SAMTOR: variants seen among roughly 807,000 people sequenced by gnomAD.
SAMTOR encodes UPF0532 protein C7orf60.
At chr7:112,858,663 G>T in the SAMTOR span, among the ~76,000 whole-genome samples, 81 of 152,222 alleles carry the variant, frequency 5.3e-4, no homozygotes, top group African/African-American at 1.8e-3. Flanking sequence ...ATTTACTTGT[G>T]AAAGTGTATA....
chr7:112,876,884 C>G, the SAMTOR span, among the ~76,000 whole-genome samples: 3 of 152,244 alleles, frequency 2.0e-5, no homozygotes, highest in African/African-American at 7.2e-5. Flanking sequence ...CTGTTAAGCC[C>G]TCATTCCTTT....
chr7:112,825,142 C>A, the SAMTOR span, among the ~76,000 whole-genome samples: 1 of 152,094 alleles, frequency 6.6e-6, no homozygotes, highest in Admixed American at 6.5e-5. Context: ...CCACCTCAGG[C>A]TCCTGAGTAG....
At chr7:112,898,065 C>T in the SAMTOR span, among the ~76,000 whole-genome samples, 4 of 152,218 alleles carry the variant, frequency 2.6e-5, no homozygotes, top group Admixed American at 6.5e-5. Flanking sequence ...CACAGTGGAA[C>T]ACAGCACTGG....
the SAMTOR span, among the ~76,000 whole-genome samples, chr7:112,922,158 G>T: frequency 6.6e-6 from 1 of 152,206 alleles, no homozygotes; most frequent in Non-Finnish European, 1.5e-5. Context: ...GGGTTTCGCT[G>T]TGTTGGCCGG....
chr7:112,887,766 A>G, the SAMTOR span, among the ~76,000 whole-genome samples: 1 of 152,208 alleles, frequency 6.6e-6, no homozygotes, highest in Non-Finnish European at 1.5e-5. Context: ...TTCTTTTACT[A>G]TTGATGGAAT....
At chr7:112,821,713 C>T in the SAMTOR span, 3 of 1,546,730 alleles carry the variant, frequency 1.9e-6, no homozygotes, top group Non-Finnish European at 2.6e-6. Flanking sequence ...AGTTTAGGAG[C>T]CTGGACTGAA....
At chr7:112,939,617 C>T in the SAMTOR span, 2 of 1,613,968 alleles carry the variant, frequency 1.2e-6, no homozygotes, top group Non-Finnish European at 1.7e-6. Flanking sequence ...GCGGAGCCGC[C>T]GGTGGACGCT....
At chr7:112,871,978 G>A in the SAMTOR span, among the ~76,000 whole-genome samples, 2 of 152,050 alleles carry the variant, frequency 1.3e-5, no homozygotes, top group African/African-American at 4.8e-5. Flanking sequence ...AATGTGTTCC[G>A]AAATTGAATC....
At chr7:112,925,171 A>G in the SAMTOR span, among the ~76,000 whole-genome samples, 2 of 152,226 alleles carry the variant, frequency 1.3e-5, no homozygotes, top group Non-Finnish European at 2.9e-5. Context: ...GGCGTTTGAA[A>G]CAATACTTTA....
the SAMTOR span, among the ~76,000 whole-genome samples, chr7:112,880,551 TTGATAA>T: frequency 6.6e-6 from 1 of 151,938 alleles, no homozygotes; most frequent in African/African-American, 2.4e-5. Flanking sequence ...AATTTTGAAA[TTGATAA>T]TAAGCATTCT....
the SAMTOR span, among the ~76,000 whole-genome samples, chr7:112,831,887 T>C: frequency 6.6e-6 from 1 of 152,126 alleles, no homozygotes; most frequent in Non-Finnish European, 1.5e-5. Context: ...TACTATTCCA[T>C]AATGGCTCTA....
chr7:112,907,246 A>C, the SAMTOR span, among the ~76,000 whole-genome samples: 1 of 152,184 alleles, frequency 6.6e-6, no homozygotes, highest in Admixed American at 6.5e-5. Flanking sequence ...AGAAAAGGTA[A>C]AGTTTTTAAT....
chr7:112,877,926 T>A, the SAMTOR span, among the ~76,000 whole-genome samples: 88 of 152,284 alleles, frequency 5.8e-4, no homozygotes, highest in African/African-American at 2.0e-3. Context: ...AGCTGAGCAA[T>A]GTTGATGTTA....
At chr7:112,821,861 T>C in the SAMTOR span, 318 of 1,613,590 alleles carry the variant, frequency 2.0e-4, no homozygotes, top group Non-Finnish European at 2.4e-4. Flanking sequence ...CATATGCTAG[T>C]TGTTCATCTT....
the SAMTOR span, among the ~76,000 whole-genome samples, chr7:112,823,608 T>C: frequency 6.6e-6 from 1 of 152,206 alleles, no homozygotes; most frequent in Non-Finnish European, 1.5e-5. Context: ...GTTTTGGTTA[T>C]TACATTTCAA....
the SAMTOR span, among the ~76,000 whole-genome samples, chr7:112,856,776 ATGAG>A: frequency 6.6e-6 from 1 of 152,230 alleles, no homozygotes; most frequent in African/African-American, 2.4e-5. Flanking sequence ...TTCAATTTAA[ATGAG>A]TATCTCCTAA....
At chr7:112,860,602 GA>G in the SAMTOR span, among the ~76,000 whole-genome samples, 1 of 152,024 alleles carries the variant, frequency 6.6e-6, no homozygotes, top group Admixed American at 6.6e-5. Context: ...ACAAATGCAA[GA>G]AAAAAAGTCA....
chr7:112,884,988 A>G, the SAMTOR span, among the ~76,000 whole-genome samples: 1 of 152,208 alleles, frequency 6.6e-6, no homozygotes, highest in Admixed American at 6.5e-5. Context: ...CCAAACCTCA[A>G]TTCTTCTATT....
chr7:112,915,862 A>G, the SAMTOR span, among the ~76,000 whole-genome samples: 1 of 152,212 alleles, frequency 6.6e-6, no homozygotes, highest in Non-Finnish European at 1.5e-5. Flanking sequence ...GTTGGGCAAT[A>G]TAACTTTGCA....
Sources: gnomAD v4.1 joint callset for allele counts (sites outside exome capture counted in the v4.1 genomes callset) on GRCh38, gnomAD v4.1.1 for gene constraint, MANE v1.5 for transcripts, NCBI Gene and HGNC (gene_info 2026-07-23, HGNC 2026-07-21) for gene names.